CACNA1C: variants seen among roughly 807,000 people sequenced by gnomAD.
CACNA1C encodes the protein calcium voltage-gated channel subunit alpha1 C.
A neutral mutation model predicts 229.0 loss-of-function variants in CACNA1C; 30 were observed. The ratio of observed to expected loss-of-function variants is 0.13; its 90% CI spans 0.10 to 0.18. CACNA1C has a LOEUF of 0.18. Among genes scored for constraint, CACNA1C ranks in the 10% least tolerant of loss-of-function variants. The pLI is 1.00. For missense variants in CACNA1C, 1,658 were observed against 2,845.0 expected, an observed-to-expected ratio of 0.58 and a Z score of 9.49; for synonymous variants, 1,114 against 1,132.5, an observed-to-expected ratio of 0.98 and a Z score of 0.33.
chr12:1,975,663 C>G (rs1048273221), intron 1 of CACNA1C, among the ~76,000 whole-genome samples: 6 of 152,142 alleles, frequency 3.9e-5, no homozygotes. Flanking sequence ...GCGTATCAAT[C>G]TGAATAGCAT....
At position 2,633,260 on chromosome 12, in the gene CACNA1C, C is replaced by T. The variant is rs552014526; in HGVS notation, c.3829-1037C>T. Among the ~76,000 whole-genome samples the T allele has an allele frequency of 3.9e-5, 6 of 152,262 alleles. No homozygotes were observed. Among genetic ancestry groups the T allele is most frequent in the South Asian group, 2.1e-4 (1 of 4,822 alleles). On this transcript the variant is annotated intron_variant, in intron 29 of 46. Coordinates refer to ENST00000399655, the MANE Select transcript of CACNA1C (RefSeq NM_000719.7). This position sits in a 1 kb window ranked among gnomAD's most constrained non-coding sequence, Gnocchi z 5.8. ...GACTGGGGGTGCAGGAGATGCTCAG[C>T]GTGGACTGAGAAGAGAGCATAGTAG...
chr12:2,471,102 G>A (rs1040454967), intron 5 of CACNA1C, among the ~76,000 whole-genome samples: 40 of 152,144 alleles, frequency 2.6e-4, no homozygotes, highest in Non-Finnish European at 5.3e-4. Context: ...AAAATGCTAG[G>A]ATTACAGTTG....
At chr12:2,246,495 CACTT>C (rs1204772124) in intron 3 of CACNA1C, among the ~76,000 whole-genome samples, 1 of 152,170 alleles carries the variant, frequency 6.6e-6, no homozygotes, top group African/African-American at 2.4e-5. Flanking sequence ...TAGCAGCTAA[CACTT>C]ACACAGTGCT....
Position 2,677,867 on chromosome 12 carries a change from G to T in CACNA1C, c.5091G>T (p.Arg1697Ser). ...VSAASEDDIF[R>S]RAGGLFGNHV... ...CTGCTTCTGAAGATGACATCTTCAG[G>T]GTGGGTGGTGCCATGGCGCACTCTC... The change falls in exon 41 of 47, where the codon AGG becomes AGT. Residue 1697 changes from arginine to serine, a missense_variant and splice_region_variant. Transcript: ENST00000399655. The surrounding 1 kb of genome is among the most constrained non-coding windows in gnomAD (Gnocchi z 7.4). 1 of 1,613,866 alleles carries T rather than the reference G, an allele frequency of 6.2e-7. No homozygotes were observed. Among genetic ancestry groups the T allele is most frequent in the Non-Finnish European group, 8.5e-7 (1 of 1,179,788 alleles).
chr12:2,638,089 C>T (rs1433737606), intron 30 of CACNA1C, among the ~76,000 whole-genome samples: 2 of 152,192 alleles, frequency 1.3e-5, no homozygotes, highest in African/African-American at 2.4e-5. Context: ...ACCAAAAGCC[C>T]CTGCCTTCAC....
chr12:2,554,659 G>A (rs1331078455), intron 10 of CACNA1C, among the ~76,000 whole-genome samples: 3 of 152,174 alleles, frequency 2.0e-5, no homozygotes, highest in Non-Finnish European at 2.9e-5. Flanking sequence ...CACTGCAGGA[G>A]CACCTTTCCA....
At chr12:2,063,125 C>T (rs2370251) in intron 1 of CACNA1C, among the ~76,000 whole-genome samples, 53,879 of 151,328 alleles carry the variant, frequency 0.36, 10,885 homozygotes, top group East Asian at 0.59. Context: ...TATGGATTTT[C>T]ATGTGTTATT....
chr12:2,120,789 T>C (rs1441195226), intron 3 of CACNA1C, among the ~76,000 whole-genome samples: 1 of 151,900 alleles, frequency 6.6e-6, no homozygotes, highest in Non-Finnish European at 1.5e-5. Context: ...TTGGATTGTG[T>C]TGTATTTCCT....
At chr12:2,150,118 C>A (rs2154211788) in intron 3 of CACNA1C, among the ~76,000 whole-genome samples, 1 of 152,294 alleles carries the variant, frequency 6.6e-6, no homozygotes, top group Non-Finnish European at 1.5e-5. Flanking sequence ...GGCTGGCTGG[C>A]AACCTTTTGT....
chr12:2,383,798 G>A (rs1037191246), intron 3 of CACNA1C, among the ~76,000 whole-genome samples: 9 of 152,244 alleles, frequency 5.9e-5, no homozygotes, highest in Non-Finnish European at 8.8e-5. Context: ...ACGCCCTGCA[G>A]AATGGGCCAG....
At chr12:1,974,496 C>T (rs112855968) in intron 1 of CACNA1C, among the ~76,000 whole-genome samples, 4,136 of 152,268 alleles carry the variant, frequency 0.027, 94 homozygotes, top group Middle Eastern at 0.054. Flanking sequence ...TGTGTATTTA[C>T]TATTACAACT....
chr12:2,409,667 C>G (rs563594436), intron 3 of CACNA1C, among the ~76,000 whole-genome samples: 1 of 152,210 alleles, frequency 6.6e-6, no homozygotes, highest in African/African-American at 2.4e-5. Flanking sequence ...GCCTTGATTG[C>G]GGGTCCTCTT....
At chr12:2,085,809 T>G (rs1336801577) in intron 1 of CACNA1C, among the ~76,000 whole-genome samples, 3 of 152,188 alleles carry the variant, frequency 2.0e-5, no homozygotes, top group African/African-American at 7.2e-5. Flanking sequence ...CCACTGTAAA[T>G]GATAGGTGGT....
chr12:2,237,132 C>T (rs146624041), intron 3 of CACNA1C, among the ~76,000 whole-genome samples: 2 of 152,314 alleles, frequency 1.3e-5, no homozygotes, highest in African/African-American at 4.8e-5. Context: ...TGGGGAAGAC[C>T]AGACCTTATC....
At position 2,290,247 on chromosome 12, in the gene CACNA1C, A is replaced by G. The variant is rs142490196; in HGVS notation, c.478-158729A>G. Among the ~76,000 whole-genome samples, 1,448 of 152,262 alleles carry G rather than the reference A, an allele frequency of 9.5e-3. 17 individuals carry two copies. The highest frequency in any genetic ancestry group is 0.034 in the African/African-American group (1,392 of 41,536). On this transcript the variant is annotated intron_variant, in intron 3 of 46. Coordinates refer to ENST00000399655, the MANE Select transcript of CACNA1C (RefSeq NM_000719.7). ...TCCTGGCCAGCGCCTGCCTTGCTTC[A>G]CAGATGTCAAGGCAATTGGGGATTG...
At chr12:2,492,159 A>T (rs1597948236) in intron 6 of CACNA1C, among the ~76,000 whole-genome samples, 1 of 152,206 alleles carries the variant, frequency 6.6e-6, no homozygotes, top group East Asian at 1.9e-4. Flanking sequence ...CAGAGCCAAG[A>T]CTTTCTCAGT....
At chr12:2,367,045 A>G (rs975947125) in intron 3 of CACNA1C, among the ~76,000 whole-genome samples, 23 of 152,156 alleles carry the variant, frequency 1.5e-4, no homozygotes, top group African/African-American at 5.6e-4. Flanking sequence ...GGGGATTCCA[A>G]TTTGAGATGA....
intron 29 of CACNA1C, among the ~76,000 whole-genome samples, chr12:2,629,994 G>A (rs138740020): frequency 1.3e-5 from 2 of 152,300 alleles, no homozygotes; most frequent in East Asian, 3.9e-4. Context: ...TTGGAAGGGG[G>A]AAATCCACTC....
intron 5 of CACNA1C, among the ~76,000 whole-genome samples, chr12:2,481,052 G>T (rs114962834): frequency 0.024 from 3,712 of 152,280 alleles, 152 homozygotes; most frequent in African/African-American, 0.085. Flanking sequence ...CCTTGAATCA[G>T]GCACATTACC....
Sources: allele counts gnomAD v4.1 joint callset (sites outside exome capture counted in the v4.1 genomes callset), GRCh38; gene constraint gnomAD v4.1.1; non-coding constraint Gnocchi (gnomAD v3.1); transcripts MANE v1.5; gene names NCBI Gene and HGNC (gene_info 2026-07-23, HGNC 2026-07-21).